The following GSK3B variants were observed in gnomAD, a reference collection of about 807,000 sequenced individuals.
The protein encoded by GSK3B is glycogen synthase kinase-3 beta.
Under a neutral mutation model 56.4 loss-of-function variants are expected in GSK3B, and 15 were observed. The ratio of observed to expected loss-of-function variants is 0.27; its 90% CI spans 0.18 to 0.41. The LOEUF (loss-of-function observed/expected upper bound fraction) is 0.41, where lower values mean the gene tolerates loss of function less well. Among genes scored for constraint, GSK3B ranks in the 10% least tolerant of loss-of-function variants. The probability of loss-of-function intolerance (pLI) is 1.00; values close to 1 mark genes in which losing one functional copy is unlikely to be tolerated. For missense variants in GSK3B, 300 were observed against 513.4 expected (o/e 0.58, Z 4.02); for synonymous variants, 181 against 188.9 (o/e 0.96, Z 0.34).
intron 3 of GSK3B, among the ~76,000 whole-genome samples, chr3:119,944,436 C>T (rs191577615): frequency 1.5e-3 from 225 of 152,220 alleles, no homozygotes; most frequent in African/African-American, 2.4e-3. Flanking sequence ...TTCTTTTTAC[C>T]GTTTTGCTCT....
chr3:120,017,581 A>G (rs552701437), intron 1 of GSK3B, among the ~76,000 whole-genome samples: 1 of 152,290 alleles, frequency 6.6e-6, no homozygotes, highest in East Asian at 1.9e-4. Context: ...AAATTTACAC[A>G]CATTTTTAAT....
intron 7 of GSK3B, among the ~76,000 whole-genome samples, chr3:119,892,895 A>G (rs1436349347): frequency 5.3e-5 from 8 of 152,176 alleles, no homozygotes; most frequent in Admixed American, 5.2e-4. Context: ...AATAGAAAAC[A>G]TGTATTCTGT....
chr3:119,861,546 CA>C (rs1004581406), intron 9 of GSK3B, among the ~76,000 whole-genome samples: 16 of 149,264 alleles, frequency 1.1e-4, no homozygotes, highest in Admixed American at 8.7e-4. Context: ...AACAAACAAA[CA>C]AAAAAACCAA....
intron 7 of GSK3B, among the ~76,000 whole-genome samples, chr3:119,902,901 G>A (rs9864153): frequency 0.018 from 2,765 of 151,976 alleles, 94 homozygotes; most frequent in African/African-American, 0.063. Flanking sequence ...TTTTTGTAGA[G>A]ACTGGGTTTC....
rs894325640 is a variant in GSK3B, at chr3:119,825,052, C to T, written c.*1736G>A. 6 of 193,508 alleles carry T rather than the reference C, an allele frequency of 3.1e-5. No individual in the cohort carries two copies. The highest frequency in any genetic ancestry group is 1.4e-4 in the African/African-American group (6 of 43,124). 12.0% of individuals were successfully genotyped at this position (193,508 alleles called of 1,614,324 possible). A position where few individuals can be genotyped will look rare whatever the true frequency, so the allele number is the denominator to read the frequency against. ...CACAACCATGGGCTCAGCTCTGCAG[C>T]CCTACAGTTACCAGCTAACCTTGGA... is the stretch of plus-strand genomic sequence containing the variant. On this transcript the variant is annotated 3_prime_UTR_variant, in exon 11 of 11. Coordinates refer to ENST00000264235, the MANE Select transcript of GSK3B (RefSeq NM_001146156.2).
At chr3:119,962,612 G>A (rs1191242209) in intron 2 of GSK3B, among the ~76,000 whole-genome samples, 1 of 152,068 alleles carries the variant, frequency 6.6e-6, no homozygotes, top group Non-Finnish European at 1.5e-5. Context: ...GTTTGCATAT[G>A]AAATAGGTAG....
intron 2 of GSK3B, among the ~76,000 whole-genome samples, chr3:119,975,413 C>G (rs1368166070): frequency 2.0e-5 from 3 of 152,050 alleles, no homozygotes; most frequent in African/African-American, 7.3e-5. Context: ...TGCCACTGCA[C>G]TCCAGCCTTG....
chr3:119,877,571 G>A (rs1011730934), intron 7 of GSK3B, among the ~76,000 whole-genome samples: 2 of 152,024 alleles, frequency 1.3e-5, no homozygotes, highest in African/African-American at 4.8e-5. Flanking sequence ...TTGTATTATC[G>A]ATATATCAGG....
chr3:119,963,625 C>CAAAAAAA (rs774359104), intron 2 of GSK3B, among the ~76,000 whole-genome samples: 17 of 79,124 alleles, frequency 2.1e-4, no homozygotes, highest in African/African-American at 6.5e-4. Context: ...TTCTTCCCCA[C>CAAAAAAA]AAAAAAAAAA....
At chr3:119,895,210 C>CA (rs2056548818) in intron 7 of GSK3B, among the ~76,000 whole-genome samples, 1 of 152,164 alleles carries the variant, frequency 6.6e-6, no homozygotes, top group Admixed American at 6.6e-5. Context: ...CTCTACTTAG[C>CA]ATAATGTCCT....
chr3:119,865,981 C>T (rs1206679722), intron 8 of GSK3B, among the ~76,000 whole-genome samples: 1 of 152,110 alleles, frequency 6.6e-6, no homozygotes, highest in East Asian at 1.9e-4. Context: ...AAACTATACA[C>T]TGTCATTTTA....
chr3:119,978,508 T>A lies in GSK3B; in HGVS notation c.282+23538A>T, dbSNP rs1294110506. ...TTCTTTCCTTTCTTTAACTCTTACATTTGGTGCCCAAACCCGGGATGAGTG... is the reference window on the plus strand; with the variant it reads ...TTCTTTCCTTTCTTTAACTCTTACAATTGGTGCCCAAACCCGGGATGAGTG... On this transcript the variant is annotated intron_variant, in intron 2 of 10. Transcript: ENST00000264235. 3.3e-5 allele frequency among the ~76,000 whole-genome samples: 5 copies of A among 152,184 alleles called. No homozygotes were observed. In the East Asian group the frequency reaches 7.7e-4, roughly 23 times the overall value.
At chr3:119,850,299 C>T (rs1266116359) in intron 9 of GSK3B, among the ~76,000 whole-genome samples, 1 of 152,060 alleles carries the variant, frequency 6.6e-6, no homozygotes. Context: ...GTTAAGAATT[C>T]TAAAATGAAC....
chr3:119,920,601 T>C (rs1421450920), intron 4 of GSK3B, among the ~76,000 whole-genome samples: 1 of 152,184 alleles, frequency 6.6e-6, no homozygotes, highest in African/African-American at 2.4e-5. Flanking sequence ...ATCTAATGGG[T>C]AAAACTGAGC....
intron 1 of GSK3B, among the ~76,000 whole-genome samples, chr3:120,057,672 A>C (rs1230906198): frequency 6.6e-6 from 1 of 152,216 alleles, no homozygotes; most frequent in Non-Finnish European, 1.5e-5. Context: ...TAATATAGCT[A>C]TGTGCAAAGA....
At position 119,822,643 on chromosome 3, in the gene GSK3B, G is replaced by A. The variant is rs2055430127; in HGVS notation, c.*4145C>T. The A allele has an allele frequency of 2.2e-5, 5 of 228,576 alleles. No individual in the cohort carries two copies. The South Asian group carries it at 9.1e-4, about 42-fold the overall frequency. The allele number at this position is 228,576 out of a possible 1,614,324, so 14.2% of individuals were successfully genotyped here. ...AGATCTCAGTCTGGGACTCTACTGT[G>A]CTTCTAGTTGTCTCTTTTATTTTCA... On this transcript the variant is annotated 3_prime_UTR_variant, in exon 11 of 11. Coordinates refer to ENST00000264235, the MANE Select transcript of GSK3B (RefSeq NM_001146156.2).
chr3:119,829,136 C>T (rs889501930), intron 10 of GSK3B, among the ~76,000 whole-genome samples: 1 of 152,156 alleles, frequency 6.6e-6, no homozygotes, highest in Non-Finnish European at 1.5e-5. Context: ...AAGTTTTACC[C>T]TTAATGATCA....
At chr3:119,848,387 A>G (rs1434549487) in intron 9 of GSK3B, among the ~76,000 whole-genome samples, 1 of 152,170 alleles carries the variant, frequency 6.6e-6, no homozygotes, top group Non-Finnish European at 1.5e-5. Context: ...CAATTCACAG[A>G]TACAGCATGA....
At chr3:119,915,839 A>G (rs2056775148) in intron 5 of GSK3B, among the ~76,000 whole-genome samples, 2 of 152,328 alleles carry the variant, frequency 1.3e-5, no homozygotes, top group South Asian at 4.1e-4. Context: ...ATAATTCCTA[A>G]AAGTTAAACT....
Sources: gnomAD v4.1 joint callset for allele counts (sites outside exome capture counted in the v4.1 genomes callset) on GRCh38, gnomAD v4.1.1 for gene constraint, MANE v1.5 for transcripts, NCBI Gene and HGNC (gene_info 2026-07-23, HGNC 2026-07-21) for gene names.